Variants in LRRC7 observed in about 807,000 individuals in gnomAD.
LRRC7 encodes the protein leucine rich repeat containing 7.
LRRC7 carries 23 observed loss-of-function variants against 175.7 expected under a neutral mutation model. The ratio of observed to expected loss-of-function variants is 0.13; its 90% CI spans 0.09 to 0.19. LRRC7 has a LOEUF of 0.19. Among genes scored for constraint, LRRC7 ranks in the 10% least tolerant of loss-of-function variants. The probability of loss-of-function intolerance (pLI) is 1.00; values close to 1 mark genes in which losing one functional copy is unlikely to be tolerated. For synonymous variants in LRRC7, 685 were observed against 680.9 expected (o/e 1.01, Z -0.09); for missense variants, 1,354 against 1,904.7 (o/e 0.71, Z 5.38).
intron 2 of LRRC7, chr1:69,716,082 CATTTGTCA>C (rs1407776587): frequency 2.5e-6 from 1 of 404,392 alleles, no homozygotes; most frequent in African/African-American, 2.1e-5. Context: ...CATTTAGATG[CATTTGTCA>C]ATTTATAATT....
chr1:69,730,919 A>G (rs1250560252), intron 2 of LRRC7, among the ~76,000 whole-genome samples: 2 of 152,096 alleles, frequency 1.3e-5, no homozygotes, highest in Admixed American at 6.6e-5. Context: ...AAAACTTACA[A>G]TCATAACAGA....
chr1:69,990,590 C>G (rs1205977738), intron 10 of LRRC7, among the ~76,000 whole-genome samples: 1 of 151,918 alleles, frequency 6.6e-6, no homozygotes, highest in Non-Finnish European at 1.5e-5. Flanking sequence ...GCTAGAAATA[C>G]TGCATAACTT....
intron 1 of LRRC7, among the ~76,000 whole-genome samples, chr1:69,596,392 C>G (rs957548252): frequency 4.6e-5 from 7 of 152,136 alleles, no homozygotes; most frequent in African/African-American, 1.7e-4. Context: ...TGTAATGTCC[C>G]TGTGCCTATA....
chr1:69,652,165 A>G (rs1655934467), intron 1 of LRRC7, among the ~76,000 whole-genome samples: 1 of 152,198 alleles, frequency 6.6e-6, no homozygotes, highest in African/African-American at 2.4e-5. Context: ...ACAATTAGGC[A>G]AGAAAAAGAA....
Position 70,036,599 on chromosome 1 carries a change from G to C in LRRC7, c.2263G>C (p.Val755Leu). ...CTTGCAGACAACAGCTAAAGATGCA[G>C]TACATAATTCTTTGTGGGGTAACAG... ...GSLQTTAKDAVHNSLWGNRIA... is the reference protein window; with the variant it reads ...GSLQTTAKDALHNSLWGNRIA... The change falls in exon 20 of 27, where the codon GTA becomes CTA. Residue 755 changes from valine (V) to leucine (L), a missense_variant. Around this residue, in one of 4 missense-constraint regions of LRRC7, gnomAD observed 1,032 missense variants for 1,227.2 expected, o/e 0.84. Transcript: ENST00000651989. 6.2e-7 allele frequency: 1 copy of C among 1,613,288 alleles called. No individual in the cohort carries two copies. Among genetic ancestry groups the C allele is most frequent in the South Asian group, 1.1e-5 (1 of 90,838 alleles).
At chr1:69,747,496 T>G (rs920110032) in intron 2 of LRRC7, among the ~76,000 whole-genome samples, 2 of 152,160 alleles carry the variant, frequency 1.3e-5, no homozygotes, top group African/African-American at 4.8e-5. Context: ...AGTGGAATTT[T>G]AGAAACAACT....
intron 1 of LRRC7, among the ~76,000 whole-genome samples, chr1:69,622,984 C>T (rs1650877504): frequency 6.6e-6 from 1 of 152,180 alleles, no homozygotes; most frequent in African/African-American, 2.4e-5. Context: ...TCTGTTTCCT[C>T]TGGACAAGAA....
intron 1 of LRRC7, among the ~76,000 whole-genome samples, chr1:69,583,891 T>C (rs1192118481): frequency 6.6e-6 from 1 of 152,156 alleles, no homozygotes; most frequent in Non-Finnish European, 1.5e-5. Context: ...TCAGTATGTA[T>C]GCAAGGCCTC....
At chr1:69,574,805 A>G (rs1175562282) in intron 1 of LRRC7, among the ~76,000 whole-genome samples, 1 of 152,126 alleles carries the variant, frequency 6.6e-6, no homozygotes, top group Non-Finnish European at 1.5e-5. Context: ...AATAGTTACT[A>G]TCCGGTGTTC....
At chr1:69,930,526 C>T (rs1232824034) in intron 7 of LRRC7, among the ~76,000 whole-genome samples, 2 of 152,156 alleles carry the variant, frequency 1.3e-5, no homozygotes, top group Non-Finnish European at 2.9e-5. Context: ...TGTATTTTCT[C>T]ATAGTGTATG....
chr1:70,031,573 A>G (rs1199905899), intron 18 of LRRC7, among the ~76,000 whole-genome samples: 2 of 152,214 alleles, frequency 1.3e-5, no homozygotes, highest in Non-Finnish European at 2.9e-5. Context: ...ATCAATGCAC[A>G]TAAGTTGAAA....
chr1:69,928,415 G>T (rs1647161776), intron 7 of LRRC7, among the ~76,000 whole-genome samples: 1 of 152,246 alleles, frequency 6.6e-6, no homozygotes, highest in South Asian at 2.1e-4. Context: ...CAGCGGTGGA[G>T]CCTACAGAGG....
intron 11 of LRRC7, among the ~76,000 whole-genome samples, chr1:70,000,133 A>G (rs1655390501): frequency 6.6e-6 from 1 of 152,212 alleles, no homozygotes; most frequent in South Asian, 2.1e-4. Context: ...CCAGAATATA[A>G]CAAAAAATTC....
intron 12 of LRRC7, 24 bp downstream of exon 12, chr1:70,011,950 T>C (rs1416894173): frequency 2.9e-5 from 45 of 1,540,122 alleles, no homozygotes; most frequent in Non-Finnish European, 3.8e-5. Flanking sequence ...TTGTTTTCTA[T>C]TTATTAACTT....
chr1:69,588,635 T>A (rs1334878797), intron 1 of LRRC7, among the ~76,000 whole-genome samples: 1 of 152,178 alleles, frequency 6.6e-6, no homozygotes, highest in African/African-American at 2.4e-5. Context: ...TTGTAAGCCT[T>A]GTTTCTTTCA....
intron 10 of LRRC7, among the ~76,000 whole-genome samples, chr1:69,991,283 A>G (rs1315011691): frequency 6.6e-6 from 1 of 152,214 alleles, no homozygotes; most frequent in Non-Finnish European, 1.5e-5. Context: ...AGAAGTCAGC[A>G]TGTAATAGGT....
At chr1:70,062,736 A>G (rs1221155050) in intron 23 of LRRC7, among the ~76,000 whole-genome samples, 2 of 152,140 alleles carry the variant, frequency 1.3e-5, no homozygotes, top group African/African-American at 2.4e-5. Flanking sequence ...TAATTTATTT[A>G]ATGATCCATT....
intron 18 of LRRC7, among the ~76,000 whole-genome samples, chr1:70,035,705 A>G (rs568041455): frequency 1.4e-4 from 22 of 152,176 alleles, no homozygotes; most frequent in African/African-American, 5.1e-4. Flanking sequence ...ACCACTTAGA[A>G]CAATTACATG....
At chr1:69,995,055 T>A (rs997592162) in intron 11 of LRRC7, among the ~76,000 whole-genome samples, 16 of 152,158 alleles carry the variant, frequency 1.1e-4, no homozygotes, top group Admixed American at 3.3e-4. Context: ...TTAGTAACAT[T>A]TAATATTTAT....
Sources: allele counts gnomAD v4.1 joint callset (sites outside exome capture counted in the v4.1 genomes callset), GRCh38; gene constraint gnomAD v4.1.1; regional missense constraint gnomAD v4.1.1; transcripts MANE v1.5; gene names NCBI Gene and HGNC (gene_info 2026-07-23, HGNC 2026-07-21).